Variants in NEK10 observed in about 807,000 individuals in gnomAD.
NEK10 encodes the protein serine/threonine-protein kinase Nek10.
NEK10 carries 122 observed loss-of-function variants against 159.8 expected under a neutral mutation model. The observed-to-expected ratio is 0.76, with a 90% CI of 0.66 to 0.89. NEK10 has a LOEUF of 0.89. Ranked by LOEUF, NEK10 falls within the 40% of genes least tolerant of loss-of-function variation. NEK10 has a pLI of 0.00. For synonymous variants in NEK10, 466 were observed against 457.1 expected, an observed-to-expected ratio of 1.02 and a Z score of -0.25; for missense variants, 1,342 against 1,323.1, an observed-to-expected ratio of 1.01 and a Z score of -0.22.
intron 22 of NEK10, among the ~76,000 whole-genome samples, chr3:27,264,617 C>G (rs1187727583): frequency 6.6e-6 from 1 of 152,120 alleles, no homozygotes; most frequent in Non-Finnish European, 1.5e-5. Flanking sequence ...ATTGGCCAAG[C>G]CTGGTGGCTC....
chr3:27,365,433 G>T (rs116157025), intron 1 of NEK10, among the ~76,000 whole-genome samples: 7,585 of 152,124 alleles, frequency 0.05, 346 homozygotes, highest in African/African-American at 0.13. Flanking sequence ...TTGAATTGAT[G>T]CCAACTGTAT....
At chr3:27,185,476 G>A (rs1434548639) in intron 26 of NEK10, among the ~76,000 whole-genome samples, 2 of 152,178 alleles carry the variant, frequency 1.3e-5, no homozygotes, top group Admixed American at 6.5e-5. Flanking sequence ...GGTCTCCAAA[G>A]TGGAGCTGAG....
intron 31 of NEK10, among the ~76,000 whole-genome samples, chr3:27,134,831 T>C (rs551489633): frequency 6.6e-5 from 10 of 152,304 alleles, no homozygotes; most frequent in African/African-American, 2.4e-4. Context: ...TAATTGCAGG[T>C]GATATAAACA....
intron 30 of NEK10, among the ~76,000 whole-genome samples, chr3:27,144,841 C>G (rs1944140749): frequency 6.6e-6 from 1 of 152,164 alleles, no homozygotes; most frequent in Non-Finnish European, 1.5e-5. Context: ...CCTGCCTCAG[C>G]CTCCCGTGTA....
intron 23 of NEK10, among the ~76,000 whole-genome samples, chr3:27,243,638 A>T (rs547920012): frequency 6.6e-6 from 1 of 152,296 alleles, no homozygotes; most frequent in South Asian, 2.1e-4. Flanking sequence ...TAGTTAGTGC[A>T]TAGAATATGG....
chr3:27,111,933 C>T (rs556044924), intron 35 of NEK10, among the ~76,000 whole-genome samples: 2 of 152,230 alleles, frequency 1.3e-5, no homozygotes, highest in Admixed American at 6.5e-5. Flanking sequence ...AAAAATAGAG[C>T]CTGCTTTGGG....
At chr3:27,305,482 T>A (rs2044167407) in intron 11 of NEK10, among the ~76,000 whole-genome samples, 5 of 151,876 alleles carry the variant, frequency 3.3e-5, no homozygotes, top group Admixed American at 3.3e-4. Flanking sequence ...CGAGGTCACT[T>A]GCCACTGCAC....
chr3:27,307,813 CAAAT>C (rs1238939032), intron 11 of NEK10, 42 bp downstream of exon 11: 1 of 871,176 alleles, frequency 1.1e-6, no homozygotes, highest in African/African-American at 1.7e-5. Context: ...GTGTATCTGT[CAAAT>C]AAAGGCACTG....
chr3:27,140,929 T>C (rs190626283), intron 31 of NEK10, among the ~76,000 whole-genome samples: 37 of 152,342 alleles, frequency 2.4e-4, no homozygotes, highest in African/African-American at 8.2e-4. Flanking sequence ...ATTAACCATA[T>C]ATAACAGAGC....
At position 27,343,900 on chromosome 3, in the gene NEK10, G is replaced by A. The variant is rs552501366; in HGVS notation, c.362+372C>T. ...TTCTTTCCTCAAGATCAAGGCTTGC[G>A]CAGTCCATTTAATCAGTCATTAAAT... On this transcript the variant is annotated intron_variant, in intron 5 of 35. Transcript: ENST00000691995. Among the ~76,000 whole-genome samples, 19 of 152,270 alleles carry A rather than the reference G, an allele frequency of 1.2e-4. No homozygotes were observed. In the South Asian group the frequency reaches 2.9e-3, roughly 23 times the overall value.
At chr3:27,244,030 C>CA (rs1458780876) in intron 23 of NEK10, among the ~76,000 whole-genome samples, 3 of 151,946 alleles carry the variant, frequency 2.0e-5, no homozygotes, top group African/African-American at 4.8e-5. Flanking sequence ...GATATTCCCC[C>CA]AAAAAAACCG....
chr3:27,108,987 T>G lies in NEK10; in HGVS notation c.*2285A>C, dbSNP rs1388301770. Among the ~76,000 whole-genome samples the G allele has an allele frequency of 6.6e-6, 1 of 152,240 alleles. No homozygotes were observed. Among genetic ancestry groups the G allele is most frequent in the East Asian group, 1.9e-4 (1 of 5,196 alleles). On this transcript the variant is annotated 3_prime_UTR_variant, in exon 36 of 36. Transcript: ENST00000691995. ...AACAATACATCTATCCACATAGAGT[T>G]GATAGGCCTGAAGCTGTTGTTAAAA...
intron 6 of NEK10, among the ~76,000 whole-genome samples, chr3:27,315,972 T>C (rs1040045400): frequency 6.6e-6 from 1 of 152,036 alleles, no homozygotes; most frequent in Non-Finnish European, 1.5e-5. Context: ...GGCTCAAAGG[T>C]GAATAGAAAT....
At chr3:27,334,156 C>A (rs1165451032) in intron 5 of NEK10, among the ~76,000 whole-genome samples, 1 of 152,194 alleles carries the variant, frequency 6.6e-6, no homozygotes, top group Non-Finnish European at 1.5e-5. Context: ...ACCCTCCTCC[C>A]AAGGGCCTGA....
chr3:27,150,602 T>G (rs1944734552), intron 30 of NEK10, among the ~76,000 whole-genome samples: 1 of 152,228 alleles, frequency 6.6e-6, no homozygotes, highest in Non-Finnish European at 1.5e-5. Flanking sequence ...TATCAAAATA[T>G]TGATGTTCTT....
At chr3:27,340,486 G>C (rs1202876304) in intron 5 of NEK10, among the ~76,000 whole-genome samples, 1 of 152,042 alleles carries the variant, frequency 6.6e-6, no homozygotes, top group Non-Finnish European at 1.5e-5. Context: ...TAACAAACCT[G>C]CACGTTCTGA....
chr3:27,288,895 T>C (rs2042805395), intron 19 of NEK10, among the ~76,000 whole-genome samples: 3 of 152,138 alleles, frequency 2.0e-5, no homozygotes, highest in Non-Finnish European at 4.4e-5. Flanking sequence ...TGCTGTCCCA[T>C]TGCAATACAG....
intron 30 of NEK10, among the ~76,000 whole-genome samples, chr3:27,156,929 GATATATATATATATATATAT>G (rs4016654): frequency 0.014 from 405 of 28,342 alleles, 13 homozygotes; most frequent in African/African-American, 0.031. Flanking sequence ...TAAAGAAACT[GATATATATATATATATATAT>G]ATATATATAT....
At position 27,128,389 on chromosome 3, in the gene NEK10, A is replaced by G. The variant is rs75844184; in HGVS notation, c.3081+3491T>C. 5.4e-4 allele frequency among the ~76,000 whole-genome samples: 82 copies of G among 152,262 alleles called. 1 individual carries two copies. Among genetic ancestry groups the G allele is most frequent in the African/African-American group, 1.9e-3 (77 of 41,560 alleles). On this transcript the variant is annotated intron_variant, in intron 32 of 35. Coordinates refer to ENST00000691995, the MANE Select transcript of NEK10 (RefSeq NM_001394966.1). Reference sequence around the variant, plus strand: ...TGTCCTTCTTGTGACATTAACGCCCATTGGTGATCATATCTAGGTGCTATC... The same window carrying G: ...TGTCCTTCTTGTGACATTAACGCCCGTTGGTGATCATATCTAGGTGCTATC...
Sources: allele counts gnomAD v4.1 joint callset (sites outside exome capture counted in the v4.1 genomes callset), GRCh38; gene constraint gnomAD v4.1.1; transcripts MANE v1.5; gene names NCBI Gene and HGNC (gene_info 2026-07-23, HGNC 2026-07-21).